ARHGAP42: variants seen among roughly 807,000 people sequenced by gnomAD.
ARHGAP42 encodes the protein Rho GTPase activating protein 42.
In ARHGAP42, 63 loss-of-function variants were observed where a neutral mutation model predicts 125.0. The observed-to-expected ratio is 0.50, with a 90% CI of 0.41 to 0.62. The LOEUF (loss-of-function observed/expected upper bound fraction) is 0.62. Ranked by LOEUF, ARHGAP42 falls within the 20% of genes least tolerant of loss-of-function variation. The probability of loss-of-function intolerance (pLI) is 0.00; values close to 1 mark genes in which losing one functional copy is unlikely to be tolerated. For synonymous variants in ARHGAP42, 339 were observed against 351.0 expected (o/e 0.97, Z 0.38); for missense variants, 766 against 1,024.2 (o/e 0.75, Z 3.44).
At chr11:100,762,970 ATTTTT>A (rs553749625) in intron 1 of ARHGAP42, among the ~76,000 whole-genome samples, 1,237 of 85,008 alleles carry the variant, frequency 0.015, 10 homozygotes, top group African/African-American at 0.057. Context: ...GTTTATAGTG[ATTTTT>A]TTTTTTTTTT....
chr11:100,939,230 A>G (rs1435389796), intron 8 of ARHGAP42, among the ~76,000 whole-genome samples: 1 of 152,098 alleles, frequency 6.6e-6, no homozygotes, highest in Non-Finnish European at 1.5e-5. Context: ...ACTTGTGCCA[A>G]TAGTTTTCTG....
intron 3 of ARHGAP42, among the ~76,000 whole-genome samples, chr11:100,815,971 C>T (rs772881342): frequency 1.3e-5 from 2 of 152,112 alleles, no homozygotes; most frequent in South Asian, 2.1e-4. Context: ...TTGTAGCATG[C>T]GTCAGAATTT....
chr11:100,836,552 C>T (rs1473705068), intron 3 of ARHGAP42, among the ~76,000 whole-genome samples: 2 of 151,894 alleles, frequency 1.3e-5, no homozygotes, highest in African/African-American at 2.4e-5. Context: ...TTTCATTGTT[C>T]CCTCTGCTTT....
intron 4 of ARHGAP42, among the ~76,000 whole-genome samples, chr11:100,894,618 A>G (rs1477344159): frequency 6.6e-6 from 1 of 152,190 alleles, no homozygotes; most frequent in Non-Finnish European, 1.5e-5. Context: ...GACAATTTTT[A>G]TGATGATTTC....
intron 2 of ARHGAP42, among the ~76,000 whole-genome samples, chr11:100,790,200 A>G (rs991285173): frequency 6.6e-6 from 1 of 152,346 alleles, no homozygotes; most frequent in African/African-American, 2.4e-5. Flanking sequence ...TATTTTAGAC[A>G]GTTTAGGAAT....
At chr11:100,870,311 A>T (rs1462084673) in intron 4 of ARHGAP42, among the ~76,000 whole-genome samples, 1 of 152,180 alleles carries the variant, frequency 6.6e-6, no homozygotes, top group Non-Finnish European at 1.5e-5. Context: ...TCTCCATAGG[A>T]CACAATTTCC....
At chr11:100,941,607 AAG>A (rs61217375) in intron 8 of ARHGAP42, among the ~76,000 whole-genome samples, 175 bp from the exon 9 acceptor site, 1 of 151,964 alleles carries the variant, frequency 6.6e-6, no homozygotes, top group African/African-American at 2.4e-5. Context: ...GTCTGATTCT[AAG>A]ACACTCTACC....
intron 17 of ARHGAP42, among the ~76,000 whole-genome samples, chr11:100,967,773 G>A (rs1304497891): frequency 6.6e-6 from 1 of 152,110 alleles, no homozygotes; most frequent in African/African-American, 2.4e-5. Flanking sequence ...GAGTGCAGTG[G>A]CGCGATCTGG....
chr11:100,782,649 T>C (rs1565212151), intron 2 of ARHGAP42, among the ~76,000 whole-genome samples: 1 of 151,902 alleles, frequency 6.6e-6, no homozygotes, highest in East Asian at 1.9e-4. Context: ...TGGATAGTTA[T>C]CTAGGAATAG....
At chr11:100,936,476 T>C in intron 8 of ARHGAP42, 144 bp downstream of exon 8, 1 of 1,177,372 alleles carries the variant, frequency 8.5e-7, no homozygotes, top group Non-Finnish European at 1.2e-6. Context: ...ACAACCAAAG[T>C]GAGGACGTTT....
chr11:100,735,352 C>T (rs1270705183), intron 1 of ARHGAP42, among the ~76,000 whole-genome samples: 2 of 152,042 alleles, frequency 1.3e-5, no homozygotes. Context: ...ATTTAAGAGG[C>T]TTGCTTTGTG....
At chr11:100,697,971 A>C (rs930565944) in intron 1 of ARHGAP42, among the ~76,000 whole-genome samples, 2 of 152,212 alleles carry the variant, frequency 1.3e-5, no homozygotes, top group African/African-American at 4.8e-5. Flanking sequence ...TCTATGAAAA[A>C]GTTACTCTGT....
rs1006614086 is a variant in ARHGAP42 at position 100,859,540 on chromosome 11, A to G, written c.313-14A>G. ...ATTATGCAAGATTTAATATATGTGC[A>G]TTTTTTATTTCAGATCCAAAACGCT... On this transcript the variant is annotated splice_polypyrimidine_tract_variant and intron_variant, in intron 3 of 23. Coordinates refer to ENST00000298815, the MANE Select transcript of ARHGAP42 (RefSeq NM_152432.4). The G allele has an allele frequency of 6.5e-7, 1 of 1,528,260 alleles. No individual in the cohort carries two copies. Among genetic ancestry groups the G allele is most frequent in the Non-Finnish European group, 8.8e-7 (1 of 1,138,922 alleles). 94.7% of individuals were successfully genotyped at this position (1,528,260 alleles called of 1,614,324 possible).
intron 1 of ARHGAP42, among the ~76,000 whole-genome samples, chr11:100,767,103 G>A (rs918732413): frequency 6.6e-6 from 1 of 152,178 alleles, no homozygotes; most frequent in Non-Finnish European, 1.5e-5. Flanking sequence ...CCAAGGTTAT[G>A]TAAGCTCCAA....
chr11:100,963,210 T>C (rs1332198329), intron 16 of ARHGAP42, among the ~76,000 whole-genome samples: 4 of 152,184 alleles, frequency 2.6e-5, no homozygotes, highest in Non-Finnish European at 5.9e-5. Flanking sequence ...ATCAATCCCC[T>C]CTCCCTCATA....
intron 4 of ARHGAP42, 56 bp from the exon 5 acceptor site, chr11:100,913,392 AGTCG>A (rs777110265): frequency 7.3e-6 from 5 of 686,166 alleles, no homozygotes; most frequent in Non-Finnish European, 1.1e-5. Flanking sequence ...GAATGGTGAA[AGTCG>A]GGGTTTTCTG....
chr11:100,962,182 G>A (rs1260860845), intron 15 of ARHGAP42, among the ~76,000 whole-genome samples: 1 of 152,064 alleles, frequency 6.6e-6, no homozygotes, highest in Non-Finnish European at 1.5e-5. Context: ...GTCATGGAAA[G>A]AAGTACATTG....
At chr11:100,887,035 A>G (rs1429760924) in intron 4 of ARHGAP42, among the ~76,000 whole-genome samples, 4 of 152,132 alleles carry the variant, frequency 2.6e-5, no homozygotes, top group Admixed American at 2.6e-4. Flanking sequence ...CTCACTTATC[A>G]ATGCATGTCA....
At chr11:100,863,669 T>G (rs1019708066) in intron 4 of ARHGAP42, among the ~76,000 whole-genome samples, 2 of 152,240 alleles carry the variant, frequency 1.3e-5, no homozygotes, top group Non-Finnish European at 2.9e-5. Context: ...CTGTTTCAGA[T>G]ACTTGGAGAT....
Sources: allele counts gnomAD v4.1 joint callset (sites outside exome capture counted in the v4.1 genomes callset), GRCh38; gene constraint gnomAD v4.1.1; transcripts MANE v1.5; gene names NCBI Gene and HGNC (gene_info 2026-07-23, HGNC 2026-07-21).